Variants in DPP10 observed in about 807,000 individuals in gnomAD.
DPP10 encodes inactive dipeptidyl peptidase 10.
Under a neutral mutation model 120.9 loss-of-function variants are expected in DPP10, and 33 were observed. The observed-to-expected ratio is 0.27, with a 90% CI of 0.21 to 0.37. The LOEUF (loss-of-function observed/expected upper bound fraction) is 0.37, where lower values mean the gene tolerates loss of function less well. DPP10 is among the 10% of genes least tolerant of loss of function. The pLI is 1.00. For missense variants in DPP10, 816 were observed against 942.8 expected, an observed-to-expected ratio of 0.87 and a Z score of 1.76; for synonymous variants, 337 against 326.1, an observed-to-expected ratio of 1.03 and a Z score of -0.36.
chr2:114,459,295 G>T (rs1678742989), intron 1 of DPP10, among the ~76,000 whole-genome samples: 1 of 152,130 alleles, frequency 6.6e-6, no homozygotes, highest in Non-Finnish European at 1.5e-5. Flanking sequence ...CAGTGATCTG[G>T]CTCTTATGCC....
At chr2:115,176,121 G>A (rs116546459) in intron 1 of DPP10, among the ~76,000 whole-genome samples, 3,935 of 152,076 alleles carry the variant, frequency 0.026, 66 homozygotes, top group Non-Finnish European at 0.036. Context: ...TGAGTCAGAT[G>A]AGCCTGTAGC....
chr2:114,602,629 C>T (rs1384042445), intron 1 of DPP10, among the ~76,000 whole-genome samples: 2 of 151,902 alleles, frequency 1.3e-5, no homozygotes, highest in Admixed American at 1.3e-4. Context: ...AAAATCAGTA[C>T]TCAGGATATG....
intron 1 of DPP10, among the ~76,000 whole-genome samples, chr2:114,852,409 T>G (rs114895158): frequency 0.011 from 1,600 of 152,158 alleles, 26 homozygotes; most frequent in African/African-American, 0.037. Context: ...AAAAAATGGA[T>G]GGTTGCATCT....
chr2:114,573,093 C>T (rs1689781332), intron 1 of DPP10, among the ~76,000 whole-genome samples: 1 of 152,120 alleles, frequency 6.6e-6, no homozygotes, highest in Admixed American at 6.5e-5. Context: ...AATGATCCTC[C>T]CACCTCAGCC....
intron 4 of DPP10, among the ~76,000 whole-genome samples, chr2:115,524,665 C>T (rs770642257): frequency 1.3e-5 from 2 of 152,132 alleles, no homozygotes; most frequent in African/African-American, 2.4e-5. Context: ...AACTTGTAAT[C>T]GCATGATTGA....
intron 1 of DPP10, among the ~76,000 whole-genome samples, chr2:115,076,280 A>G (rs1381661350): frequency 1.7e-5 from 2 of 114,960 alleles, no homozygotes; most frequent in African/African-American, 3.7e-5. Context: ...TAAATGCTAT[A>G]AACACAATTG....
intron 1 of DPP10, among the ~76,000 whole-genome samples, chr2:114,706,121 CA>C (rs1267231549): frequency 1.3e-5 from 2 of 152,172 alleles, no homozygotes; most frequent in Admixed American, 6.5e-5. Context: ...AATTACAGTG[CA>C]AGTTCTAAGT....
At chr2:115,418,302 A>G (rs1172103732) in intron 3 of DPP10, among the ~76,000 whole-genome samples, 1 of 152,164 alleles carries the variant, frequency 6.6e-6, no homozygotes, top group African/African-American at 2.4e-5. Context: ...TCGAGAATTT[A>G]TTTATTGCTG....
At chr2:114,513,274 G>A (rs1049790790) in intron 1 of DPP10, among the ~76,000 whole-genome samples, 2 of 152,256 alleles carry the variant, frequency 1.3e-5, no homozygotes, top group Middle Eastern at 3.4e-3. Flanking sequence ...TGTAATCCCA[G>A]CACTTTGGGA....
intron 1 of DPP10, among the ~76,000 whole-genome samples, chr2:115,296,974 C>T (rs1407281902): frequency 6.6e-6 from 1 of 151,972 alleles, no homozygotes; most frequent in East Asian, 1.9e-4. Flanking sequence ...ATAGTTAATC[C>T]TCAAGAACGA....
At chr2:115,815,921 GTA>G (rs998706517) in intron 21 of DPP10, among the ~76,000 whole-genome samples, 192 bp downstream of exon 21, 1 of 151,250 alleles carries the variant, frequency 6.6e-6, no homozygotes, top group African/African-American at 2.4e-5. Context: ...AGTCTGAAAT[GTA>G]TATATATAAT....
At chr2:114,461,882 G>A in intron 1 of DPP10, 1 of 985,432 alleles carries the variant, frequency 1.0e-6, no homozygotes. Context: ...AAAAGAGACA[G>A]GTGGAGAGAG....
chr2:114,964,669 C>G (rs1698877487), intron 1 of DPP10, among the ~76,000 whole-genome samples: 1 of 152,008 alleles, frequency 6.6e-6, no homozygotes, highest in African/African-American at 2.4e-5. Context: ...ATGGTTGGAG[C>G]AGATAGAGGG....
chr2:114,556,295 A>T (rs1041161163), intron 1 of DPP10, among the ~76,000 whole-genome samples: 7 of 146,676 alleles, frequency 4.8e-5, no homozygotes, highest in South Asian at 2.2e-4. Context: ...ATAGATGAGT[A>T]AATAGATAAT....
At chr2:115,623,250 C>A (rs1344441028) in intron 5 of DPP10, among the ~76,000 whole-genome samples, 1 of 151,412 alleles carries the variant, frequency 6.6e-6, no homozygotes, top group Non-Finnish European at 1.5e-5. Context: ...ATTTTCTGAC[C>A]CTTTACAGAA....
At chr2:114,777,358 C>A (rs1387267129) in intron 1 of DPP10, among the ~76,000 whole-genome samples, 3 of 152,070 alleles carry the variant, frequency 2.0e-5, no homozygotes, top group African/African-American at 7.2e-5. Flanking sequence ...AATCACAATC[C>A]TTAGAAATAT....
intron 7 of DPP10, among the ~76,000 whole-genome samples, chr2:115,705,339 TC>T (rs1320845219): frequency 6.6e-6 from 1 of 151,958 alleles, no homozygotes; most frequent in Non-Finnish European, 1.5e-5. Flanking sequence ...TTATTTTTAA[TC>T]TCATCAGGAT....
At chr2:115,079,653 G>T (rs1708103878) in intron 1 of DPP10, among the ~76,000 whole-genome samples, 1 of 152,136 alleles carries the variant, frequency 6.6e-6, no homozygotes, top group South Asian at 2.1e-4. Flanking sequence ...AGCAGCAGCT[G>T]GTGCACTGCA....
At chr2:114,569,004 C>T (rs922624627) in intron 1 of DPP10, among the ~76,000 whole-genome samples, 1 of 152,084 alleles carries the variant, frequency 6.6e-6, no homozygotes, top group Non-Finnish European at 1.5e-5. Context: ...CCTTAAAACT[C>T]CAGGCAAACA....
Sources: allele counts gnomAD v4.1 joint callset (sites outside exome capture counted in the v4.1 genomes callset), GRCh38; gene constraint gnomAD v4.1.1; transcripts MANE v1.5; gene names NCBI Gene and HGNC (gene_info 2026-07-23, HGNC 2026-07-21).